The following CDIN1 variants were observed in gnomAD, a reference collection of about 807,000 sequenced individuals.
The protein encoded by CDIN1 is CDAN1 interacting nuclease 1.
A neutral mutation model predicts 45.3 loss-of-function variants in CDIN1; 33 were observed. The ratio of observed to expected loss-of-function variants is 0.73; its 90% CI spans 0.55 to 0.97. The LOEUF (loss-of-function observed/expected upper bound fraction) is 0.97. Among genes scored for constraint, CDIN1 ranks in the 50% least tolerant of loss-of-function variants. CDIN1 has a pLI of 0.00. For missense variants in CDIN1, 303 were observed against 339.4 expected (o/e 0.89, Z 0.84); for synonymous variants, 118 against 124.4 (o/e 0.95, Z 0.34).
intron 1 of CDIN1, among the ~76,000 whole-genome samples, chr15:36,596,079 A>G (rs1278033963): frequency 6.6e-6 from 1 of 152,228 alleles, no homozygotes; most frequent in Non-Finnish European, 1.5e-5. Flanking sequence ...AGGGAAGACC[A>G]TGCTGGCAGC....
At chr15:36,676,627 A>T (rs961108241) in intron 5 of CDIN1, among the ~76,000 whole-genome samples, 1 of 152,150 alleles carries the variant, frequency 6.6e-6, no homozygotes, top group Non-Finnish European at 1.5e-5. Context: ...ATTTGATCTC[A>T]TCAGGCTTTC....
chr15:36,740,488 G>A (rs141905793), intron 10 of CDIN1, among the ~76,000 whole-genome samples: 62 of 152,290 alleles, frequency 4.1e-4, no homozygotes, highest in African/African-American at 1.4e-3. Context: ...AGAGATGGTA[G>A]CACTTCTACG....
Position 36,593,214 on chromosome 15 carries a change from T to G in CDIN1, c.101+13253T>G, listed in dbSNP as rs142931393. On this transcript the variant is annotated intron_variant, in intron 1 of 10. Transcript: ENST00000566621. ...GTTATGATAGTTAGACTCAGCATATTAGAACTGAAAATATTTTGCCTAAAA... is the reference window on the plus strand; with the variant it reads ...GTTATGATAGTTAGACTCAGCATATGAGAACTGAAAATATTTTGCCTAAAA... 9.3e-3 allele frequency among the ~76,000 whole-genome samples: 1,413 copies of G among 152,330 alleles called. 9 individuals carry two copies. Among genetic ancestry groups the G allele is most frequent in the Non-Finnish European group, 0.016 (1,089 of 68,024 alleles).
At chr15:36,605,884 T>G (rs1340778368) in intron 1 of CDIN1, among the ~76,000 whole-genome samples, 18 of 152,154 alleles carry the variant, frequency 1.2e-4, no homozygotes, top group Admixed American at 1.2e-3. Flanking sequence ...CACCTAAAAG[T>G]TCAGTGAACG....
intron 1 of CDIN1, among the ~76,000 whole-genome samples, chr15:36,586,285 G>A (rs947430287): frequency 6.6e-6 from 1 of 150,402 alleles, no homozygotes; most frequent in Non-Finnish European, 1.5e-5. Context: ...TTGAGACTAT[G>A]CAAATTTCTT....
chr15:36,743,299 T>G (rs1379652585), intron 10 of CDIN1, among the ~76,000 whole-genome samples: 1 of 152,152 alleles, frequency 6.6e-6, no homozygotes, highest in Admixed American at 6.5e-5. Context: ...AGAGTCAAAT[T>G]TATTTAAGAA....
At chr15:36,659,487 G>A (rs1347626489) in intron 5 of CDIN1, among the ~76,000 whole-genome samples, 1 of 152,124 alleles carries the variant, frequency 6.6e-6, no homozygotes, top group Non-Finnish European at 1.5e-5. Flanking sequence ...GCTTGGAAAG[G>A]AGGCGAATGT....
intron 10 of CDIN1, among the ~76,000 whole-genome samples, chr15:36,760,352 G>A (rs1040939344): frequency 2.0e-5 from 3 of 152,258 alleles, no homozygotes; most frequent in Non-Finnish European, 2.9e-5. Flanking sequence ...GCACCATGAT[G>A]TGACTTTTGT....
intron 10 of CDIN1, among the ~76,000 whole-genome samples, chr15:36,793,985 G>A (rs568748393): frequency 3.6e-3 from 495 of 136,778 alleles, no homozygotes; most frequent in African/African-American, 0.012. Context: ...TCTATTTTCT[G>A]TTGTTGCTTT....
chr15:36,664,363 C>A (rs1197209796), intron 5 of CDIN1, among the ~76,000 whole-genome samples: 1 of 152,174 alleles, frequency 6.6e-6, no homozygotes, highest in Admixed American at 6.5e-5. Context: ...TACATGTGAA[C>A]CCTCATTTGA....
rs143066156 is a variant in CDIN1 at position 36,715,591 on chromosome 15, C to T, written c.716+5630C>T. On this transcript the variant is annotated intron_variant, in intron 10 of 10. Transcript: ENST00000566621. ...CCTTAGCAATAGAAGCTCTTGCAAA[C>T]CTTTAATTACAGCAGCCTCAGAAGC... 9.2e-5 allele frequency among the ~76,000 whole-genome samples: 14 copies of T among 152,292 alleles called. No homozygotes were observed. In the East Asian group the frequency reaches 2.7e-3, roughly 29 times the overall value.
chr15:36,680,491 C>T (rs978848796), intron 5 of CDIN1, among the ~76,000 whole-genome samples: 1 of 152,192 alleles, frequency 6.6e-6, no homozygotes. Flanking sequence ...ATTTTTAAAA[C>T]TTTAAAAGAT....
chr15:36,712,344 A>G (rs1595506269), intron 10 of CDIN1, among the ~76,000 whole-genome samples: 1 of 132,402 alleles, frequency 7.6e-6, no homozygotes, highest in Non-Finnish European at 1.5e-5. Context: ...CGGCTCACTG[A>G]AACCTCCACC....
At chr15:36,675,149 A>G (rs138915191) in intron 5 of CDIN1, among the ~76,000 whole-genome samples, 28 of 152,266 alleles carry the variant, frequency 1.8e-4, no homozygotes, top group Admixed American at 5.2e-4. Context: ...TGCTTAATTT[A>G]TAGATGTTTT....
intron 3 of CDIN1, among the ~76,000 whole-genome samples, chr15:36,646,147 A>G (rs2040318714): frequency 1.3e-5 from 2 of 152,198 alleles, no homozygotes; most frequent in South Asian, 2.1e-4. Flanking sequence ...AGATTGACAG[A>G]TGAACCTTTC....
At chr15:36,586,449 C>G (rs184256145) in intron 1 of CDIN1, among the ~76,000 whole-genome samples, 2 of 152,144 alleles carry the variant, frequency 1.3e-5, no homozygotes, top group African/African-American at 2.4e-5. Flanking sequence ...TTATGTGAAA[C>G]GAACTACCCT....
chr15:36,796,918 A>G (rs2054819127), intron 10 of CDIN1, among the ~76,000 whole-genome samples: 1 of 152,232 alleles, frequency 6.6e-6, no homozygotes, highest in African/African-American at 2.4e-5. Context: ...TGCTGAGCTT[A>G]ATTTTCTATT....
At position 36,709,860 on chromosome 15, in the gene CDIN1, A is replaced by G; in HGVS notation, c.615A>G (p.Val205=). The change falls in exon 10 of 11, where the codon GTA becomes GTG. Residue 205 remains valine (V), a synonymous_variant. Coordinates refer to ENST00000566621, the MANE Select transcript of CDIN1 (RefSeq NM_001321759.2). ...PDFILQVPVA[V]EGHIIHWIES... is the part of the protein sequence containing the mutation. ...TAGTAATGCTTTGTCCCTTAGCTGT[A>G]GAAGGGCACATAATTCACTGGATTG... 2 of 1,612,828 alleles carry G rather than the reference A, an allele frequency of 1.2e-6. No individual in the cohort carries two copies. The highest frequency in any genetic ancestry group is 1.1e-5 in the South Asian group (1 of 91,020).
intron 1 of CDIN1, among the ~76,000 whole-genome samples, chr15:36,638,989 C>T (rs2040005070): frequency 6.6e-6 from 1 of 152,196 alleles, no homozygotes; most frequent in South Asian, 2.1e-4. Context: ...GTTCTTCTAG[C>T]TGTTTAATTA....
Sources: gnomAD v4.1 joint callset for allele counts (sites outside exome capture counted in the v4.1 genomes callset) on GRCh38, gnomAD v4.1.1 for gene constraint, MANE v1.5 for transcripts, NCBI Gene and HGNC (gene_info 2026-07-23, HGNC 2026-07-21) for gene names.